Variants in EXT2 observed in about 807,000 individuals in gnomAD.
The protein encoded by EXT2 is exostosin-2.
Under a neutral mutation model 81.6 loss-of-function variants are expected in EXT2, and 53 were observed. That is an observed-to-expected ratio of 0.65 (90% CI 0.52 to 0.82). The LOEUF (loss-of-function observed/expected upper bound fraction) is 0.82. Among genes scored for constraint, EXT2 ranks in the 40% least tolerant of loss-of-function variants. The pLI is 0.00. For missense variants in EXT2, 774 were observed against 910.2 expected, an observed-to-expected ratio of 0.85 and a Z score of 1.93; for synonymous variants, 320 against 340.0, an observed-to-expected ratio of 0.94 and a Z score of 0.65.
intron 10 of EXT2, among the ~76,000 whole-genome samples, chr11:44,222,727 A>G (rs1474080157): frequency 6.6e-6 from 1 of 152,134 alleles, no homozygotes; most frequent in Non-Finnish European, 1.5e-5. Context: ...CTAGGCAAAG[A>G]GTTCTTAGAT....
intron 8 of EXT2, among the ~76,000 whole-genome samples, chr11:44,188,723 G>C (rs1302992717): frequency 2.6e-5 from 4 of 152,200 alleles, no homozygotes; most frequent in African/African-American, 9.7e-5. Context: ...TAGATTATTA[G>C]AGTCAATGAA....
intron 4 of EXT2, among the ~76,000 whole-genome samples, chr11:44,122,417 G>C (rs971598908): frequency 1.3e-5 from 2 of 152,198 alleles, no homozygotes; most frequent in Non-Finnish European, 2.9e-5. Flanking sequence ...GAGCAAAGAT[G>C]GTGTTTAGTC....
chr11:44,180,550 A>G (rs1323238131), intron 8 of EXT2, among the ~76,000 whole-genome samples: 1 of 152,096 alleles, frequency 6.6e-6, no homozygotes, highest in Non-Finnish European at 1.5e-5. Flanking sequence ...GAAGTCCAGG[A>G]TTTTTGTTTC....
chr11:44,198,223 G>A (rs1400652822), intron 9 of EXT2: 8 of 614,392 alleles, frequency 1.3e-5, no homozygotes, highest in Non-Finnish European at 2.3e-5. Flanking sequence ...AGCCACAAGT[G>A]TTTGAGGGCT....
At chr11:44,175,391 CT>C (rs1183606509) in intron 8 of EXT2, among the ~76,000 whole-genome samples, 172 of 143,834 alleles carry the variant, frequency 1.2e-3, no homozygotes, top group East Asian at 8.0e-3. Context: ...TTTTCTTTTT[CT>C]TTTTTTTTTT....
intron 8 of EXT2, among the ~76,000 whole-genome samples, chr11:44,183,030 T>A (rs1955258344): frequency 6.6e-6 from 1 of 152,210 alleles, no homozygotes; most frequent in South Asian, 2.1e-4. Context: ...TTTTGTAAGA[T>A]ATCCTTTGAT....
chr11:44,123,484 C>T lies in EXT2; in HGVS notation c.744-1305C>T, dbSNP rs572295596. On this transcript the variant is annotated intron_variant, in intron 4 of 13. Transcript: ENST00000533608. ...CTGGAACATGCTTTCTGTGATTCTT[C>T]TCTTTGACACTGATTCCTTGTGGTC... 1.4e-3 allele frequency among the ~76,000 whole-genome samples: 212 copies of T among 152,246 alleles called. 2 individuals are homozygous for T. Among genetic ancestry groups the T allele is most frequent in the African/African-American group, 5.0e-3 (207 of 41,552 alleles).
chr11:44,221,629 G>A (rs1252627632), intron 10 of EXT2, among the ~76,000 whole-genome samples: 1 of 152,184 alleles, frequency 6.6e-6, no homozygotes, highest in Non-Finnish European at 1.5e-5. Flanking sequence ...TTCATGGGCT[G>A]TTTATCTGCC....
intron 10 of EXT2, among the ~76,000 whole-genome samples, chr11:44,227,691 A>G (rs1350991562): frequency 2.6e-5 from 4 of 152,190 alleles, no homozygotes; most frequent in Non-Finnish European, 5.9e-5. Context: ...AGGCTCAAGA[A>G]AGAAGAACTT....
At chr11:44,172,876 G>T (rs920115399) in intron 8 of EXT2, among the ~76,000 whole-genome samples, 4 of 152,062 alleles carry the variant, frequency 2.6e-5, no homozygotes, top group African/African-American at 7.2e-5. Flanking sequence ...GCCAGGCCCC[G>T]ATTCTACCTT....
chr11:44,235,389 A>T (rs1417758591), intron 12 of EXT2, among the ~76,000 whole-genome samples: 4 of 151,558 alleles, frequency 2.6e-5, no homozygotes, highest in African/African-American at 9.7e-5. Context: ...CTACAGGTGC[A>T]CGCCGCCATG....
chr11:44,222,161 G>A (rs1272462595), intron 10 of EXT2, among the ~76,000 whole-genome samples: 1 of 152,134 alleles, frequency 6.6e-6, no homozygotes, highest in African/African-American at 2.4e-5. Context: ...AATATTTCTA[G>A]GTTCCCAACC....
intron 10 of EXT2, among the ~76,000 whole-genome samples, chr11:44,225,337 C>G (rs1263532182): frequency 6.6e-6 from 1 of 152,314 alleles, no homozygotes; most frequent in African/African-American, 2.4e-5. Context: ...GATGTGGAGT[C>G]TCACTAGTTT....
intron 7 of EXT2, among the ~76,000 whole-genome samples, chr11:44,167,391 T>C (rs1955009378): frequency 6.6e-6 from 1 of 152,148 alleles, no homozygotes; most frequent in South Asian, 2.1e-4. Context: ...GAGGTTGGTA[T>C]TCAAGGCCTG....
intron 7 of EXT2, among the ~76,000 whole-genome samples, chr11:44,170,853 CA>C (rs1955062721): frequency 6.9e-6 from 1 of 144,952 alleles, no homozygotes; most frequent in Non-Finnish European, 1.5e-5. Flanking sequence ...CACACACACA[CA>C]CACCAATCCA....
intron 13 of EXT2, among the ~76,000 whole-genome samples, chr11:44,241,694 G>C (rs1453871017): frequency 6.6e-6 from 1 of 152,142 alleles, no homozygotes; most frequent in Non-Finnish European, 1.5e-5. Flanking sequence ...GAGAGTCACT[G>C]GCAGTTCTTG....
chr11:44,096,652 C>T (rs775364379), intron 1 of EXT2, among the ~76,000 whole-genome samples: 9 of 152,200 alleles, frequency 5.9e-5, no homozygotes, highest in Non-Finnish European at 1.2e-4. Flanking sequence ...CAGAAGCACA[C>T]TGGCTCTGGG....
Position 44,095,705 on chromosome 11 carries a change from C to G in EXT2, c.-178C>G, listed in dbSNP as rs993868292. The G allele has an allele frequency of 6.5e-6, 1 of 153,068 alleles. No individual in the cohort carries two copies. The highest frequency in any genetic ancestry group is 1.5e-5 in the Non-Finnish European group (1 of 68,744). The allele number at this position is 153,068 out of a possible 1,614,324, so 9.5% of individuals were successfully genotyped here. On this transcript the variant is annotated 5_prime_UTR_variant, in exon 1 of 14. Transcript: ENST00000533608. ...ACGGCCCGGATCCCGGTTACCGGCCCCTCGCTCGCTGCTCGCCAGCCCAGA... is the reference window on the plus strand; with the variant it reads ...ACGGCCCGGATCCCGGTTACCGGCCGCTCGCTCGCTGCTCGCCAGCCCAGA...
At chr11:44,127,199 A>G (rs2135021531) in intron 6 of EXT2, among the ~76,000 whole-genome samples, 1 of 152,306 alleles carries the variant, frequency 6.6e-6, no homozygotes, top group African/African-American at 2.4e-5. Flanking sequence ...TCCTTTACGT[A>G]TAGTCTGGCT....
Sources: gnomAD v4.1 joint callset for allele counts (sites outside exome capture counted in the v4.1 genomes callset) on GRCh38, gnomAD v4.1.1 for gene constraint, MANE v1.5 for transcripts, NCBI Gene and HGNC (gene_info 2026-07-23, HGNC 2026-07-21) for gene names.